The following HS2ST1 variants were observed in gnomAD, a reference collection of about 807,000 sequenced individuals.
The protein encoded by HS2ST1 is heparan sulfate 2-O-sulfotransferase 1.
Under a neutral mutation model 42.9 loss-of-function variants are expected in HS2ST1, and 18 were observed. That is an observed-to-expected ratio of 0.42 (90% CI 0.29 to 0.62). The LOEUF (loss-of-function observed/expected upper bound fraction) is 0.62, where lower values mean the gene tolerates loss of function less well. HS2ST1 is among the 20% of genes least tolerant of loss of function. HS2ST1 has a pLI of 0.21. For synonymous variants in HS2ST1, 146 were observed against 152.9 expected, an observed-to-expected ratio of 0.95 and a Z score of 0.33; for missense variants, 334 against 433.8, an observed-to-expected ratio of 0.77 and a Z score of 2.04.
intron 1 of HS2ST1, among the ~76,000 whole-genome samples, chr1:86,937,526 T>C (rs897827945): frequency 6.6e-6 from 1 of 152,194 alleles, no homozygotes; most frequent in Non-Finnish European, 1.5e-5. Flanking sequence ...GTGAGTAAAT[T>C]ATAAAACAGT....
rs1192530886 is a variant in HS2ST1 at position 86,914,798 on chromosome 1, T to C, written c.-239T>C. On this transcript the variant is annotated 5_prime_UTR_variant, in exon 1 of 7. Transcript: ENST00000370550. Reference sequence around the variant, plus strand: ...GCTTCGCGCTGTTTGCTGCGCGGGCTTTTGGAGGGGGCGGCCGTTTAGTCG... The same window carrying C: ...GCTTCGCGCTGTTTGCTGCGCGGGCCTTTGGAGGGGGCGGCCGTTTAGTCG... 5.5e-6 allele frequency: 3 copies of C among 543,432 alleles called. No homozygotes were observed. Among genetic ancestry groups the C allele is most frequent in the Non-Finnish European group, 9.8e-6 (3 of 306,908 alleles). The allele number at this position is 543,432 out of a possible 1,614,324, so 33.7% of individuals were successfully genotyped here. A position where few individuals can be genotyped will look rare whatever the true frequency, so the allele number is the denominator to read the frequency against.
At chr1:86,976,702 T>TTGTGTATATATATATATATATATATATA (rs1036585042) in intron 1 of HS2ST1, among the ~76,000 whole-genome samples, 13 of 26,792 alleles carry the variant, frequency 4.9e-4, no homozygotes, top group Non-Finnish European at 1.4e-3. Flanking sequence ...CTTTATAAAA[T>TTGTGTATATATATATATATATATATATA]TGTATATATA....
chr1:87,097,704 C>A, intron 4 of HS2ST1, 134 bp from the exon 5 acceptor site: 1 of 1,005,090 alleles, frequency 9.9e-7, no homozygotes, highest in Non-Finnish European at 1.4e-6. Context: ...GATTAATTTA[C>A]ATGACTCCAA....
At chr1:86,924,280 C>A (rs568243) in intron 1 of HS2ST1, among the ~76,000 whole-genome samples, 36,423 of 152,162 alleles carry the variant, frequency 0.24, 5,124 homozygotes, top group African/African-American at 0.38. Context: ...TATAGCCCCC[C>A]ACTCCTGGCT....
At position 86,944,895 on chromosome 1, in the gene HS2ST1, C is replaced by T. The variant is rs776489696; in HGVS notation, c.124+29735C>T. ...CAACTCCTGGGTATACTAGATACTC[C>T]GCTGTTTTTACCCCACTTCCATTGT... is the stretch of plus-strand genomic sequence containing the variant. On this transcript the variant is annotated intron_variant, in intron 1 of 6. Coordinates refer to ENST00000370550, the MANE Select transcript of HS2ST1 (RefSeq NM_012262.4). 1.1e-4 allele frequency among the ~76,000 whole-genome samples: 17 copies of T among 151,576 alleles called. 1 individual carries two copies. In the South Asian group the frequency reaches 3.1e-3, roughly 28 times the overall value.
chr1:86,936,019 T>A (rs1660646312), intron 1 of HS2ST1, among the ~76,000 whole-genome samples: 1 of 152,114 alleles, frequency 6.6e-6, no homozygotes, highest in African/African-American at 2.4e-5. Flanking sequence ...TTTTACCAGT[T>A]TTTACCTGTA....
intron 1 of HS2ST1, among the ~76,000 whole-genome samples, chr1:87,015,048 TTTTG>T (rs71082060): frequency 0.77 from 116,113 of 150,906 alleles, 45,210 homozygotes; most frequent in East Asian, 0.97. Context: ...TTTTTTAGTT[TTTTG>T]TTTGTTTGTT....
chr1:86,991,088 C>T (rs1648938805), intron 1 of HS2ST1, among the ~76,000 whole-genome samples: 1 of 151,556 alleles, frequency 6.6e-6, no homozygotes, highest in Non-Finnish European at 1.5e-5. Flanking sequence ...ACTGAGAGAA[C>T]TTACCCACAG....
chr1:86,985,383 T>TATAC lies in HS2ST1; in HGVS notation c.124+70224_124+70225insTACA, dbSNP rs1413099470. On this transcript the variant is annotated intron_variant, in intron 1 of 6. Coordinates refer to ENST00000370550, the MANE Select transcript of HS2ST1 (RefSeq NM_012262.4). ...AAAAAAAAAAGTATATATATATATA[T>TATAC]ACACACACACACACACATATATATA... Among the ~76,000 whole-genome samples, 6 of 44,704 alleles carry TATAC rather than the reference T, an allele frequency of 1.3e-4. 2 individuals carry two copies. The highest frequency in any genetic ancestry group is 3.0e-4 in the African/African-American group (6 of 19,674). 29.3% of individuals were successfully genotyped at this position (44,704 alleles called of 152,430 possible). A position where few individuals can be genotyped will look rare whatever the true frequency, so the allele number is the denominator to read the frequency against.
chr1:87,030,023 G>A (rs574533760), intron 1 of HS2ST1, among the ~76,000 whole-genome samples: 4 of 152,206 alleles, frequency 2.6e-5, no homozygotes, highest in African/African-American at 9.6e-5. Flanking sequence ...AGCAAAACAC[G>A]CTAGCACTTA....
chr1:87,032,041 G>A (rs951674958), intron 1 of HS2ST1, among the ~76,000 whole-genome samples: 7 of 152,222 alleles, frequency 4.6e-5, no homozygotes, highest in African/African-American at 1.4e-4. Context: ...AATGATTGCA[G>A]GGCAGTTTTA....
chr1:86,964,493 T>G (rs557025454), intron 1 of HS2ST1, among the ~76,000 whole-genome samples: 1 of 152,076 alleles, frequency 6.6e-6, no homozygotes, highest in Non-Finnish European at 1.5e-5. Context: ...CGAAAACCAG[T>G]CAGGCGTGGC....
intron 1 of HS2ST1, among the ~76,000 whole-genome samples, chr1:86,918,441 G>A (rs1479067580): frequency 6.6e-6 from 1 of 151,614 alleles, no homozygotes; most frequent in Admixed American, 6.6e-5. Flanking sequence ...TTCTAGTAAC[G>A]GACATTCAGT....
chr1:86,951,109 G>A (rs1647500237), intron 1 of HS2ST1, among the ~76,000 whole-genome samples: 1 of 152,188 alleles, frequency 6.6e-6, no homozygotes, highest in South Asian at 2.1e-4. Flanking sequence ...GAATTTATTA[G>A]CAGTACATGC....
intron 6 of HS2ST1, 131 bp from the exon 7 acceptor site, chr1:87,104,339 T>C (rs1652282921): frequency 4.7e-6 from 3 of 644,158 alleles, no homozygotes; most frequent in South Asian, 4.0e-5. Flanking sequence ...TTTACCTGAA[T>C]TATATAAGAC....
intron 3 of HS2ST1, among the ~76,000 whole-genome samples, chr1:87,090,537 A>C (rs1651914325): frequency 1.3e-5 from 2 of 151,976 alleles, no homozygotes; most frequent in Admixed American, 1.3e-4. Context: ...GTGTCAAATG[A>C]AAGCACATAG....
chr1:87,009,034 A>G (rs1260076099), intron 1 of HS2ST1, among the ~76,000 whole-genome samples: 2 of 152,042 alleles, frequency 1.3e-5, no homozygotes, highest in Non-Finnish European at 2.9e-5. Flanking sequence ...TCTAGAGATG[A>G]GATTTTACCA....
intron 1 of HS2ST1, chr1:87,046,449 G>A: frequency 1.0e-6 from 1 of 966,256 alleles, no homozygotes; most frequent in South Asian, 1.3e-5. Flanking sequence ...AATAAAGAAG[G>A]TGACATTAAA....
chr1:87,069,871 T>G (rs927080639), intron 1 of HS2ST1, among the ~76,000 whole-genome samples: 2 of 152,242 alleles, frequency 1.3e-5, no homozygotes, highest in African/African-American at 2.4e-5. Flanking sequence ...AACATATTTG[T>G]TTCATGGCCC....
Sources: gnomAD v4.1 joint callset for allele counts (sites outside exome capture counted in the v4.1 genomes callset) on GRCh38, gnomAD v4.1.1 for gene constraint, MANE v1.5 for transcripts, NCBI Gene and HGNC (gene_info 2026-07-23, HGNC 2026-07-21) for gene names.